The following ADD2 variants were observed in gnomAD, a reference collection of about 807,000 sequenced individuals.
The protein encoded by ADD2 is adducin 2, also known as beta-adducin.
A neutral mutation model predicts 83.0 loss-of-function variants in ADD2; 23 were observed. The ratio of observed to expected loss-of-function variants is 0.28; its 90% CI spans 0.20 to 0.39. The LOEUF is 0.39. Ranked by LOEUF, ADD2 falls within the 10% of genes least tolerant of loss-of-function variation. The pLI is 1.00. For missense variants in ADD2, 758 were observed against 944.9 expected, an observed-to-expected ratio of 0.80 and a Z score of 2.59; for synonymous variants, 375 against 375.4, an observed-to-expected ratio of 1.00 and a Z score of 0.01.
At chr2:70,741,171 G>A (rs1673880518) in intron 1 of ADD2, among the ~76,000 whole-genome samples, 1 of 152,138 alleles carries the variant, frequency 6.6e-6, no homozygotes, top group Admixed American at 6.5e-5. Flanking sequence ...AATGGGAGAC[G>A]GAAAGAGAGT....
intron 2 of ADD2, among the ~76,000 whole-genome samples, chr2:70,707,612 G>T (rs965377482): frequency 1.3e-5 from 2 of 152,366 alleles, no homozygotes; most frequent in Non-Finnish European, 2.9e-5. Context: ...TCAAATCGGT[G>T]CTCTGCCCCT....
intron 1 of ADD2, among the ~76,000 whole-genome samples, chr2:70,733,080 T>C (rs1287783103): frequency 6.6e-6 from 1 of 152,220 alleles, no homozygotes; most frequent in Non-Finnish European, 1.5e-5. Flanking sequence ...AAGGATTACA[T>C]GCTACAAAAA....
intron 1 of ADD2, among the ~76,000 whole-genome samples, chr2:70,743,074 T>C (rs1674004586): frequency 6.6e-6 from 1 of 152,234 alleles, no homozygotes; most frequent in South Asian, 2.1e-4. Flanking sequence ...AGACTGTATT[T>C]AATGAATTAG....
At chr2:70,736,387 C>T (rs1553380165) in intron 1 of ADD2, among the ~76,000 whole-genome samples, 1 of 152,210 alleles carries the variant, frequency 6.6e-6, no homozygotes, top group African/African-American at 2.4e-5. Flanking sequence ...CTGGATATGA[C>T]TTCTCACATG....
chr2:70,755,091 CA>C (rs1674702730), intron 1 of ADD2, among the ~76,000 whole-genome samples: 1 of 152,140 alleles, frequency 6.6e-6, no homozygotes, highest in Admixed American at 6.5e-5. Flanking sequence ...GACCCTTGCA[CA>C]AAACTCTGTG....
chr2:70,663,502 G>C lies in ADD2; in HGVS notation c.2104C>G (p.Pro702Ala). Residue 702 changes from proline (P) to alanine (A), a missense_variant, in exon 16 of 16, where the codon CCC becomes GCC. Around this residue, in one of 5 missense-constraint regions of ADD2, gnomAD observed 165 missense variants for 176.2 expected, o/e 0.94. Transcript: ENST00000264436. ...MSPEGSPSKSPSKKKKKFRTP... is the reference protein window; with the variant it reads ...MSPEGSPSKSASKKKKKFRTP... Reference sequence around the variant, plus strand: ...CGGAATTTCTTTTTCTTCTTTGAGGGAGACTTGGAAGGTGAGCCCTCTGGG... The same window carrying C: ...CGGAATTTCTTTTTCTTCTTTGAGGCAGACTTGGAAGGTGAGCCCTCTGGG... The C allele has an allele frequency of 6.2e-7, 1 of 1,614,090 alleles. No homozygotes were observed. The highest frequency in any genetic ancestry group is 1.7e-5 in the Admixed American group (1 of 60,018).
chr2:70,673,481 C>T, intron 14 of ADD2: 1 of 615,970 alleles, frequency 1.6e-6, no homozygotes, highest in South Asian at 2.0e-5. Flanking sequence ...TTGTTTAATT[C>T]ATCAAATTTA....
At chr2:70,675,414 T>C in intron 13 of ADD2, 2 of 985,652 alleles carry the variant, frequency 2.0e-6, no homozygotes, top group Non-Finnish European at 2.4e-6. Flanking sequence ...AACCTGCCTG[T>C]ACCGCAGGTC....
intron 1 of ADD2, among the ~76,000 whole-genome samples, chr2:70,727,241 T>C (rs1553378462): frequency 6.6e-6 from 1 of 152,104 alleles, no homozygotes; most frequent in African/African-American, 2.4e-5. Context: ...TACCATTAAA[T>C]CATCTCCCAC....
At chr2:70,699,523 C>T (rs1192692001) in intron 4 of ADD2, among the ~76,000 whole-genome samples, 4 of 152,158 alleles carry the variant, frequency 2.6e-5, no homozygotes, top group Non-Finnish European at 5.9e-5. Flanking sequence ...CTCACACCTG[C>T]AGTCCCAGCA....
At chr2:70,684,055 A>T (rs1305770026) in intron 9 of ADD2, among the ~76,000 whole-genome samples, 1 of 152,192 alleles carries the variant, frequency 6.6e-6, no homozygotes, top group Admixed American at 6.5e-5. Flanking sequence ...ACTAACCTAG[A>T]ATTGTGATTG....
At chr2:70,704,252 C>A in intron 4 of ADD2, 69 bp downstream of exon 4, 1 of 1,445,776 alleles carries the variant, frequency 6.9e-7, no homozygotes, top group South Asian at 1.2e-5. Flanking sequence ...TCTTGCTGCT[C>A]CTCCCTCTCT....
chr2:70,719,889 A>G (rs532502607), intron 1 of ADD2, among the ~76,000 whole-genome samples: 12 of 152,320 alleles, frequency 7.9e-5, no homozygotes, highest in African/African-American at 2.4e-4. Context: ...CTGTCCTTCA[A>G]TAGGAAGGTG....
chr2:70,744,888 G>A (rs1553381707), intron 1 of ADD2, among the ~76,000 whole-genome samples: 8 of 152,034 alleles, frequency 5.3e-5, no homozygotes, highest in Non-Finnish European at 1.2e-4. Context: ...ATGTTTAGGA[G>A]ACAAAAACAA....
intron 1 of ADD2, 156 bp downstream of exon 1, chr2:70,767,730 C>A: frequency 4.9e-6 from 7 of 1,431,110 alleles, no homozygotes; most frequent in Non-Finnish European, 6.4e-6. Flanking sequence ...GCAAAACACA[C>A]CGCTGCCGGC....
Position 70,742,372 on chromosome 2 carries a change from C to T in ADD2, c.-154+25514G>A, listed in dbSNP as rs527566330. On this transcript the variant is annotated intron_variant, in intron 1 of 15. Coordinates refer to ENST00000264436, the MANE Select transcript of ADD2 (RefSeq NM_001617.4). ...TGACACACCAGAAACAGCTCAGCTA[C>T]ATCTGCTTGGAATCAGCTCTTGACA... 5.9e-5 allele frequency among the ~76,000 whole-genome samples: 9 copies of T among 152,222 alleles called. No individual in the cohort carries two copies. In the South Asian group the frequency reaches 1.9e-3, roughly 32 times the overall value.
Position 70,672,980 on chromosome 2 carries a change from G to T in ADD2, c.1768C>A (p.Pro590Thr), listed in dbSNP as rs1669972203. Residue 590 changes from proline (P) to threonine (T), a missense_variant, in exon 15 of 16, where the codon CCT becomes ACT. Pro to Thr is a conservative substitution (Grantham distance 38, BLOSUM62 -1). Coordinates refer to ENST00000264436, the MANE Select transcript of ADD2 (RefSeq NM_001617.4). ...DGEKETAPEE[P>T]GSPAKSAPAS... ...GGTGCAGACTTTGCAGGTGAGCCAG[G>T]CTCTTCTGGGGCAGTTTCTTTCTCT... is the stretch of plus-strand genomic sequence containing the variant. 8 of 1,613,856 alleles carry T rather than the reference G, an allele frequency of 5.0e-6. No homozygotes were observed. Among genetic ancestry groups the T allele is most frequent in the Non-Finnish European group, 6.8e-6 (8 of 1,179,970 alleles).
chr2:70,766,453 T>C (rs1238381466), intron 1 of ADD2, among the ~76,000 whole-genome samples: 4 of 152,214 alleles, frequency 2.6e-5, no homozygotes, highest in African/African-American at 9.6e-5. Context: ...CTCTAACATA[T>C]ATTATTCATA....
At chr2:70,755,305 G>T (rs1422762853) in intron 1 of ADD2, among the ~76,000 whole-genome samples, 1 of 152,146 alleles carries the variant, frequency 6.6e-6, no homozygotes, top group Non-Finnish European at 1.5e-5. Context: ...CCTGCAATCA[G>T]CCAGCACTAG....
Sources: gnomAD v4.1 joint callset for allele counts (sites outside exome capture counted in the v4.1 genomes callset) on GRCh38, gnomAD v4.1.1 for gene constraint, gnomAD v4.1.1 regional missense constraint, MANE v1.5 for transcripts, NCBI Gene and HGNC (gene_info 2026-07-23, HGNC 2026-07-21) for gene names.